Variants in RALGAPB observed in about 807,000 individuals in gnomAD.
The protein encoded by RALGAPB is ral GTPase-activating protein subunit beta.
Under a neutral mutation model 161.1 loss-of-function variants are expected in RALGAPB, and 25 were observed. The observed-to-expected ratio is 0.16, with a 90% confidence interval of 0.11 to 0.22. The LOEUF (loss-of-function observed/expected upper bound fraction) is 0.22. Among genes scored for constraint, RALGAPB ranks in the 10% least tolerant of loss-of-function variants. RALGAPB has a pLI of 1.00. For missense variants in RALGAPB, 1,391 were observed against 1,815.2 expected (o/e 0.77, Z 4.25); for synonymous variants, 629 against 626.1 (o/e 1.00, Z -0.07).
At chr20:38,497,331 G>T in intron 3 of RALGAPB, 22 bp from the exon 4 acceptor site, 2 of 1,609,768 alleles carry the variant, frequency 1.2e-6, no homozygotes, top group Non-Finnish European at 1.7e-6. Flanking sequence ...GCTTGTCAGT[G>T]ATATCTGTCT....
At chr20:38,509,605 C>T (rs2085873027) in intron 6 of RALGAPB, among the ~76,000 whole-genome samples, 1 of 152,134 alleles carries the variant, frequency 6.6e-6, no homozygotes, top group Admixed American at 6.5e-5. Context: ...CCTCCAATAG[C>T]CTGTTTAAAG....
At chr20:38,560,270 T>C (rs9941761) in intron 23 of RALGAPB, among the ~76,000 whole-genome samples, 4,176 of 152,222 alleles carry the variant, frequency 0.027, 191 homozygotes, top group African/African-American at 0.096. Context: ...TAAAGGGTGT[T>C]AATAGGGTCA....
intron 24 of RALGAPB, among the ~76,000 whole-genome samples, chr20:38,564,602 G>A (rs1304331670): frequency 6.6e-6 from 1 of 152,116 alleles, no homozygotes; most frequent in Admixed American, 6.5e-5. Context: ...AGGACACTGA[G>A]TTCATTTTAA....
intron 24 of RALGAPB, among the ~76,000 whole-genome samples, chr20:38,562,980 G>C (rs1402894022): frequency 6.6e-6 from 1 of 152,152 alleles, no homozygotes; most frequent in African/African-American, 2.4e-5. Context: ...GGAGGCTGAG[G>C]TGGGAGGATC....
chr20:38,488,711 T>C, intron 2 of RALGAPB, 93 bp downstream of exon 2: 1 of 1,213,742 alleles, frequency 8.2e-7, no homozygotes. Flanking sequence ...CTTTTTTCTT[T>C]GAAAAGAGCT....
At chr20:38,534,208 A>G (rs2086739793) in intron 15 of RALGAPB, among the ~76,000 whole-genome samples, 1 of 151,722 alleles carries the variant, frequency 6.6e-6, no homozygotes, top group Non-Finnish European at 1.5e-5. Flanking sequence ...GTGTTCTAAT[A>G]TAAATGTTTT....
intron 6 of RALGAPB, among the ~76,000 whole-genome samples, chr20:38,514,400 CG>C (rs1474293419): frequency 6.6e-6 from 1 of 152,138 alleles, no homozygotes; most frequent in South Asian, 2.1e-4. Context: ...TTTCAGTTCA[CG>C]GGGGCTTTCC....
At position 38,546,482 on chromosome 20, in the gene RALGAPB, T is replaced by G. The variant is rs577768212; in HGVS notation, c.2902+52T>G. The G allele has an allele frequency of 1.4e-5, 23 of 1,600,926 alleles. No individual in the cohort carries two copies. In the Admixed American group the frequency reaches 3.8e-4, roughly 27 times the overall value. The stretch of plus-strand genomic sequence containing the variant: ...TCTACTGCTTAATCAGTGTTACCAG[T>G]ACCATGAAGCTGTTTCCAGGATCAG... On this transcript the variant is annotated intron_variant, in intron 19 of 29. Transcript: ENST00000262879.
intron 5 of RALGAPB, among the ~76,000 whole-genome samples, chr20:38,506,459 A>G (rs560718046): frequency 6.6e-6 from 1 of 152,124 alleles, no homozygotes; most frequent in African/African-American, 2.4e-5. Context: ...ATGCTTGGCT[A>G]ATTTTTATAT....
At chr20:38,521,784 G>C in intron 10 of RALGAPB, 86 bp downstream of exon 10, 1 of 1,388,384 alleles carries the variant, frequency 7.2e-7, no homozygotes, top group Non-Finnish European at 1.0e-6. Flanking sequence ...GATGAGTGAT[G>C]TTGGTCTGAA....
intron 10 of RALGAPB, among the ~76,000 whole-genome samples, chr20:38,523,099 A>G (rs1361321094): frequency 6.6e-6 from 1 of 151,972 alleles, no homozygotes; most frequent in Non-Finnish European, 1.5e-5. Context: ...GGTTGCAGTG[A>G]GCCGAGATTG....
At chr20:38,546,120 C>G in intron 18 of RALGAPB, 123 bp from the exon 19 acceptor site, 4 of 1,514,158 alleles carry the variant, frequency 2.6e-6, no homozygotes, top group Non-Finnish European at 3.6e-6. Context: ...TAAATCTGAC[C>G]TGTCAAGAAG....
chr20:38,534,196 A>G (rs916936822), intron 15 of RALGAPB, among the ~76,000 whole-genome samples: 2 of 151,646 alleles, frequency 1.3e-5, no homozygotes, highest in Non-Finnish European at 2.9e-5. Flanking sequence ...TCATTACTGC[A>G]TGTGTTCTAA....
chr20:38,543,878 G>C (rs1452386642), intron 18 of RALGAPB, among the ~76,000 whole-genome samples: 1 of 152,198 alleles, frequency 6.6e-6, no homozygotes, highest in Non-Finnish European at 1.5e-5. Context: ...GCACGGCATG[G>C]AGTTTTATAC....
At chr20:38,523,761 A>C (rs1479352813) in intron 10 of RALGAPB, among the ~76,000 whole-genome samples, 1 of 152,214 alleles carries the variant, frequency 6.6e-6, no homozygotes, top group Non-Finnish European at 1.5e-5. Flanking sequence ...TTGAGAACTA[A>C]GGTTGTCAGA....
At chr20:38,493,875 A>T (rs139655250) in intron 3 of RALGAPB, among the ~76,000 whole-genome samples, 3 of 152,312 alleles carry the variant, frequency 2.0e-5, no homozygotes, top group African/African-American at 7.2e-5. Context: ...CTGGCCCCTA[A>T]CTAGACTAGC....
chr20:38,546,288 C>G lies in RALGAPB; in HGVS notation c.2760C>G (p.Ala920=), dbSNP rs368498329. ...LGAFPSPSGP[A]SPCSLVNETT... ...CATTTCCTTCACCTAGTGGTCCTGC[C>G]TCTCCTTGTAGTCTTGTGAATGAGA... Residue 920 remains alanine (A), a synonymous_variant, in exon 19 of 30, where the codon GCC becomes GCG. Transcript: ENST00000262879. 1 of 1,614,124 alleles carries G rather than the reference C, an allele frequency of 6.2e-7. No homozygotes were observed. The highest frequency in any genetic ancestry group is 8.5e-7 in the Non-Finnish European group (1 of 1,179,996).
chr20:38,571,766 G>A (rs925905350), intron 28 of RALGAPB, among the ~76,000 whole-genome samples: 1 of 152,104 alleles, frequency 6.6e-6, no homozygotes, highest in African/African-American at 2.4e-5. Flanking sequence ...TTTTTAATTT[G>A]TTGAGGAACC....
intron 27 of RALGAPB, 65 bp downstream of exon 27, chr20:38,570,061 T>C: frequency 7.4e-7 from 1 of 1,344,330 alleles, no homozygotes; most frequent in Non-Finnish European, 1.1e-6. Context: ...GCTAAATGTC[T>C]ACAGGGAGTG....
Sources: allele counts gnomAD v4.1 joint callset (sites outside exome capture counted in the v4.1 genomes callset), GRCh38; gene constraint gnomAD v4.1.1; transcripts MANE v1.5; gene names NCBI Gene and HGNC (gene_info 2026-07-23, HGNC 2026-07-21).